EXOC4: variants seen among roughly 807,000 people sequenced by gnomAD.
The protein encoded by EXOC4 is SEC8-like 1.
EXOC4 carries 71 observed loss-of-function variants against 107.2 expected under a neutral mutation model. The ratio of observed to expected loss-of-function variants is 0.66; its 90% CI spans 0.55 to 0.81. The LOEUF (loss-of-function observed/expected upper bound fraction) is 0.81, where lower values mean the gene tolerates loss of function less well. Ranked by LOEUF, EXOC4 falls within the 30% of genes least tolerant of loss-of-function variation. EXOC4 has a pLI of 0.00. For missense variants in EXOC4, 1,108 were observed against 1,189.6 expected (o/e 0.93, Z 1.01); for synonymous variants, 456 against 441.2 (o/e 1.03, Z -0.42).
chr7:133,941,029 T>C (rs1362605831), intron 14 of EXOC4, among the ~76,000 whole-genome samples: 2 of 151,876 alleles, frequency 1.3e-5, no homozygotes, highest in East Asian at 1.9e-4. Flanking sequence ...TTTTTTCTTT[T>C]TTTTTTTTGA....
chr7:133,533,416 C>T (rs1471489509), intron 9 of EXOC4, among the ~76,000 whole-genome samples: 1 of 152,098 alleles, frequency 6.6e-6, no homozygotes, highest in East Asian at 1.9e-4. Context: ...CTACTCTTTT[C>T]AAGTGACTCA....
rs200884673 is a variant in EXOC4 at position 133,630,127 on chromosome 7, C to T, written c.1500C>T (p.Phe500=). 1.9e-6 allele frequency: 3 copies of T among 1,612,554 alleles called. No homozygotes were observed. The highest frequency in any genetic ancestry group is 3.3e-5 in the Admixed American group (2 of 59,992). Residue 500 remains phenylalanine (F), a synonymous_variant, in exon 10 of 18, where the codon TTC becomes TTT. Transcript: ENST00000253861. The part of the protein sequence containing the change: ...KPGARNITVI[F]HPLLRFIQEI... ...GAGCCAGAAACATTACCGTCATATT[C>T]CACCCATTACTAAGGTAAGTCAAGT... is the stretch of plus-strand genomic sequence containing the variant.
At chr7:133,639,018 C>A (rs1585047479) in intron 10 of EXOC4, among the ~76,000 whole-genome samples, 1 of 152,070 alleles carries the variant, frequency 6.6e-6, no homozygotes, top group Admixed American at 6.6e-5. Flanking sequence ...GACTGCAGTA[C>A]CCAAAATGTG....
intron 9 of EXOC4, among the ~76,000 whole-genome samples, chr7:133,627,797 T>G (rs1469556338): frequency 6.6e-6 from 1 of 152,128 alleles, no homozygotes; most frequent in Non-Finnish European, 1.5e-5. Context: ...GAAAAAACAG[T>G]CCATGATTTT....
chr7:133,261,911 C>G (rs1795161818), intron 1 of EXOC4, among the ~76,000 whole-genome samples: 1 of 152,104 alleles, frequency 6.6e-6, no homozygotes, highest in South Asian at 2.1e-4. Context: ...GGGTAGTTAC[C>G]TGTCACACGT....
intron 9 of EXOC4, among the ~76,000 whole-genome samples, chr7:133,497,496 G>A (rs1233946702): frequency 2.0e-5 from 3 of 150,606 alleles, no homozygotes; most frequent in East Asian, 2.0e-4. Context: ...GCATGATTGC[G>A]GCTCACTCAC....
chr7:133,374,249 G>A (rs1429576440), intron 6 of EXOC4, among the ~76,000 whole-genome samples: 2 of 151,948 alleles, frequency 1.3e-5, no homozygotes, highest in African/African-American at 4.8e-5. Flanking sequence ...TGTGATGAAT[G>A]AGATAATGTG....
At chr7:133,772,616 A>C (rs1437745184) in intron 10 of EXOC4, among the ~76,000 whole-genome samples, 1 of 152,066 alleles carries the variant, frequency 6.6e-6, no homozygotes, top group Non-Finnish European at 1.5e-5. Context: ...CATCATTATA[A>C]CATGACCATA....
intron 10 of EXOC4, among the ~76,000 whole-genome samples, chr7:133,798,182 T>C (rs1331552483): frequency 6.6e-6 from 1 of 151,556 alleles, no homozygotes; most frequent in African/African-American, 2.4e-5. Flanking sequence ...AATATTAGAG[T>C]TAGTCCTCAA....
intron 17 of EXOC4, among the ~76,000 whole-genome samples, chr7:134,031,834 G>T (rs549999237): frequency 4.3e-4 from 66 of 152,172 alleles, no homozygotes; most frequent in African/African-American, 1.6e-3. Context: ...TTGCAACAAA[G>T]TTTTTTTTGT....
chr7:133,737,913 T>TC (rs1243980323), intron 10 of EXOC4, among the ~76,000 whole-genome samples: 2 of 133,154 alleles, frequency 1.5e-5, no homozygotes, highest in African/African-American at 2.9e-5. Context: ...TTCTTTCTTT[T>TC]TTTTTTTTTT....
intron 17 of EXOC4, among the ~76,000 whole-genome samples, chr7:134,023,956 CA>C (rs928348895): frequency 1.3e-5 from 2 of 152,172 alleles, no homozygotes; most frequent in African/African-American, 4.8e-5. Context: ...GGGCCCAACA[CA>C]GGCATGAAGT....
chr7:134,020,180 A>T (rs1389238802), intron 17 of EXOC4, among the ~76,000 whole-genome samples: 2 of 152,220 alleles, frequency 1.3e-5, no homozygotes, highest in Non-Finnish European at 2.9e-5. Flanking sequence ...AAAGACTAGA[A>T]GGTATAAGAA....
intron 10 of EXOC4, among the ~76,000 whole-genome samples, chr7:133,670,219 G>T (rs1413244946): frequency 1.3e-5 from 2 of 152,178 alleles, no homozygotes; most frequent in African/African-American, 4.8e-5. Flanking sequence ...AGTCTTTGGG[G>T]TTGTGCTTGG....
At chr7:133,400,783 G>A (rs1201906376) in intron 7 of EXOC4, among the ~76,000 whole-genome samples, 2 of 152,084 alleles carry the variant, frequency 1.3e-5, no homozygotes, top group African/African-American at 2.4e-5. Flanking sequence ...TGTGTTACGT[G>A]GTAGGTTAAT....
chr7:133,795,957 A>G (rs1222981637), intron 10 of EXOC4, among the ~76,000 whole-genome samples: 1 of 152,250 alleles, frequency 6.6e-6, no homozygotes, highest in Non-Finnish European at 1.5e-5. Flanking sequence ...TCTTCTTAGA[A>G]CAATAAAAAT....
chr7:133,858,320 G>A (rs962144172), intron 11 of EXOC4, among the ~76,000 whole-genome samples: 3 of 152,248 alleles, frequency 2.0e-5, no homozygotes, highest in Non-Finnish European at 2.9e-5. Flanking sequence ...ACGGGCAGTC[G>A]TACCATGTGG....
chr7:133,389,996 T>G (rs1347156588), intron 7 of EXOC4, among the ~76,000 whole-genome samples: 2 of 151,922 alleles, frequency 1.3e-5, no homozygotes, highest in Non-Finnish European at 2.9e-5. Context: ...AGGAAAGACC[T>G]GCTCCTATGA....
Position 133,377,724 on chromosome 7 carries a change from C to T in EXOC4, c.1182+2722C>T, listed in dbSNP as rs189561418. Among the ~76,000 whole-genome samples the T allele has an allele frequency of 2.6e-3, 393 of 152,102 alleles. 1 individual carries two copies. Among genetic ancestry groups the T allele is most frequent in the Non-Finnish European group, 3.6e-3 (247 of 67,976 alleles). Reference sequence around the variant, plus strand: ...TAAACACAAAGAAAATCAACACATACGCACATTATGAAAACCAAAGAAAAA... The same window carrying T: ...TAAACACAAAGAAAATCAACACATATGCACATTATGAAAACCAAAGAAAAA... On this transcript the variant is annotated intron_variant, in intron 7 of 17. Coordinates refer to ENST00000253861, the MANE Select transcript of EXOC4 (RefSeq NM_021807.4).
Sources: allele counts gnomAD v4.1 joint callset (sites outside exome capture counted in the v4.1 genomes callset), GRCh38; gene constraint gnomAD v4.1.1; transcripts MANE v1.5; gene names NCBI Gene and HGNC (gene_info 2026-07-23, HGNC 2026-07-21).